The following ZNF568 variants were observed in gnomAD, a reference collection of about 807,000 sequenced individuals.
ZNF568 encodes p53 inhibitor of SCO2 activation.
ZNF568 carries 11 observed loss-of-function variants against 18.1 expected under a neutral mutation model. The observed-to-expected ratio is 0.61, with a 90% CI of 0.38 to 1.00. The LOEUF (loss-of-function observed/expected upper bound fraction) is 1.00. ZNF568 is among the 50% of genes least tolerant of loss of function. The pLI is 0.01. For missense variants in ZNF568, 639 were observed against 768.2 expected (o/e 0.83, Z 1.99); for synonymous variants, 213 against 246.6 (o/e 0.86, Z 1.28).
rs66941480 is a variant in ZNF568, at chr19:36,992,242, CAAAAAAAAAAAA to C, written c.229+405_229+416del. On this transcript the variant is annotated intron_variant, in intron 4 of 4. Transcript: ENST00000433993. ...TGGGCAACAGAGCAAGACTCCGTCT[CAAAAAAAAAAAA>C]AAAAAAAAGGAGGCCAAGGCAGGCG... Among the ~76,000 whole-genome samples, 5 of 118,216 alleles carry C rather than the reference CAAAAAAAAAAAA, an allele frequency of 4.2e-5. No individual in the cohort carries two copies. The East Asian group carries it at 1.4e-3, about 33-fold the overall frequency. The allele number at this position is 118,216 out of a possible 152,430, so 77.6% of individuals were successfully genotyped here. A position where few individuals can be genotyped will look rare whatever the true frequency, so the allele number is the denominator to read the frequency against.
At chr19:36,928,629 A>G (rs1204758440) in intron 4 of ZNF568, among the ~76,000 whole-genome samples, 1 of 152,194 alleles carries the variant, frequency 6.6e-6, no homozygotes, top group Non-Finnish European at 1.5e-5. Context: ...AAGTGATACA[A>G]TTATGTTTTT....
intron 4 of ZNF568, among the ~76,000 whole-genome samples, chr19:36,933,618 T>C (rs2073725643): frequency 6.6e-6 from 1 of 152,044 alleles, no homozygotes; most frequent in Non-Finnish European, 1.5e-5. Context: ...TTTTTATATG[T>C]TGTTGGATTA....
chr19:36,981,113 G>A (rs1484402462), downstream of ZNF568, among the ~76,000 whole-genome samples: 1 of 152,200 alleles, frequency 6.6e-6, no homozygotes, highest in Non-Finnish European at 1.5e-5. Flanking sequence ...ATGTACTTCA[G>A]TGGCAGTTCT....
intron 6 of ZNF568, among the ~76,000 whole-genome samples, chr19:36,964,540 T>C (rs1466620525): frequency 6.6e-6 from 1 of 152,180 alleles, no homozygotes; most frequent in Non-Finnish European, 1.5e-5. Flanking sequence ...GAGCCAGGCA[T>C]AGTGGCTCAT....
downstream of ZNF568, among the ~76,000 whole-genome samples, chr19:36,954,966 G>A (rs1367876899): frequency 6.6e-6 from 1 of 150,874 alleles, no homozygotes; most frequent in Non-Finnish European, 1.5e-5. Flanking sequence ...TGCAACCTGC[G>A]CCTCCTGGGT....
Position 36,947,537 on chromosome 19 carries a change from G to A in ZNF568, c.359-1975G>A, listed in dbSNP as rs148935248. Reference sequence around the variant, plus strand: ...TAGTTTTAACTGCCTCAGCCTTTACGGGATGGAAAAGCATGGTGGGAGACT... The same window carrying A: ...TAGTTTTAACTGCCTCAGCCTTTACAGGATGGAAAAGCATGGTGGGAGACT... On this transcript the variant is annotated intron_variant, in intron 6 of 6. Transcript: ENST00000333987. 3.0e-3 allele frequency among the ~76,000 whole-genome samples: 460 copies of A among 152,240 alleles called. 3 individuals carry two copies. Among genetic ancestry groups the A allele is most frequent in the Non-Finnish European group, 4.9e-3 (334 of 68,014 alleles).
intron 6 of ZNF568, among the ~76,000 whole-genome samples, chr19:36,967,910 G>A (rs1485448443): frequency 3.3e-5 from 5 of 152,146 alleles, no homozygotes; most frequent in African/African-American, 4.8e-5. Flanking sequence ...TTAGTGCTTG[G>A]AATAGAACAC....
chr19:36,970,219 A>G lies in ZNF568; in HGVS notation c.359-4201A>G, dbSNP rs745367065. 5.5e-5 allele frequency among the ~76,000 whole-genome samples: 7 copies of G among 126,200 alleles called. 2 individuals carry two copies. The highest frequency in any genetic ancestry group is 6.9e-5 in the Non-Finnish European group (4 of 57,870). The allele number at this position is 126,200 out of a possible 152,430, so 82.8% of individuals were successfully genotyped here. A position where few individuals can be genotyped will look rare whatever the true frequency, so the allele number is the denominator to read the frequency against. The stretch of plus-strand genomic sequence containing the variant: ...TAATTTATGAATTTCTTTTTTCCCA[A>G]TCCTTTGACATAACTATATAAATTT... On this transcript the variant is annotated intron_variant, in intron 6 of 7. Coordinates refer to the ZNF568 transcript ENST00000427117.
downstream of ZNF568, among the ~76,000 whole-genome samples, chr19:36,955,206 G>A (rs1458273475): frequency 2.1e-5 from 3 of 145,036 alleles, no homozygotes; most frequent in South Asian, 6.5e-4. Context: ...TTTTTTTTTT[G>A]TCTAAACAGT....
chr19:36,984,430 ATAT>A (rs1318670231), downstream of ZNF568, among the ~76,000 whole-genome samples: 1 of 152,202 alleles, frequency 6.6e-6, no homozygotes, highest in Admixed American at 6.5e-5. Flanking sequence ...AAACTAAAAA[ATAT>A]TATTATATTC....
intron 6 of ZNF568, among the ~76,000 whole-genome samples, chr19:36,943,005 A>C (rs959724680): frequency 6.6e-6 from 1 of 152,000 alleles, no homozygotes; most frequent in Non-Finnish European, 1.5e-5. Flanking sequence ...TAGTTTGCCA[A>C]CCCCTGCTCT....
chr19:36,925,402 G>A, intron 4 of ZNF568, 144 bp downstream of exon 4: 1 of 719,892 alleles, frequency 1.4e-6, no homozygotes, highest in Non-Finnish European at 2.3e-6. Flanking sequence ...AGAACCTGGG[G>A]AAATTTGAGA....
chr19:36,993,731 G>A (rs911823377), intron 4 of ZNF568, among the ~76,000 whole-genome samples: 1 of 152,014 alleles, frequency 6.6e-6, no homozygotes, highest in African/African-American at 2.4e-5. Context: ...ATTTCTATAA[G>A]GTCAGTGGTG....
intron 7 of ZNF568, among the ~76,000 whole-genome samples, chr19:36,975,228 A>G (rs1340070005): frequency 6.8e-6 from 1 of 146,130 alleles, no homozygotes; most frequent in Non-Finnish European, 1.5e-5. Flanking sequence ...GCTCACTGCA[A>G]CCTCCGCCTC....
Position 36,952,055 on chromosome 19 carries a change from T to TTTTTC in ZNF568, c.*967_*968insTTTTC, listed in dbSNP as rs1491387376. 1.5e-5 allele frequency: 14 copies of TTTTTC among 951,966 alleles called. No individual in the cohort carries two copies. The highest frequency in any genetic ancestry group is 1.3e-4 in the Admixed American group (2 of 15,004). The allele number at this position is 951,966 out of a possible 1,614,324, so 59.0% of individuals were successfully genotyped here. A position where few individuals can be genotyped will look rare whatever the true frequency, so the allele number is the denominator to read the frequency against. On this transcript the variant is annotated 3_prime_UTR_variant, in exon 7 of 7. Transcript: ENST00000333987. ...CCAAGGAGCTTTTTTTTTTTTTTTT[T>TTTTTC]CAAGACAAAAGGACTCTGTAATTCC...
rs546655317 is a variant in ZNF568, at chr19:36,939,055, A to G, written c.358+1813A>G. On this transcript the variant is annotated intron_variant, in intron 6 of 6. Coordinates refer to ENST00000333987, the MANE Select transcript of ZNF568 (RefSeq NM_198539.4). ...TCCAGAAAAATACTCTGAGTTGGTA[A>G]GAAGTCTCTATACCTCACACTGACC... 2.0e-5 allele frequency among the ~76,000 whole-genome samples: 3 copies of G among 152,338 alleles called. No homozygotes were observed. In the South Asian group the frequency reaches 6.2e-4, roughly 32 times the overall value.
chr19:36,937,543 C>T (rs826290), intron 6 of ZNF568, among the ~76,000 whole-genome samples: 55,078 of 152,052 alleles, frequency 0.36, 10,278 homozygotes, highest in African/African-American at 0.41. Flanking sequence ...CTATGATCCT[C>T]GGGCACTCTC....
At chr19:36,920,117 G>A (rs1225967747) in intron 2 of ZNF568, among the ~76,000 whole-genome samples, 1 of 152,110 alleles carries the variant, frequency 6.6e-6, no homozygotes, top group Non-Finnish European at 1.5e-5. Context: ...GGCCAGATGT[G>A]GAGGTGAAAG....
chr19:36,992,242 C>CA (rs66941480), intron 4 of ZNF568, among the ~76,000 whole-genome samples: 125 of 118,144 alleles, frequency 1.1e-3, no homozygotes, highest in East Asian at 4.2e-3. Flanking sequence ...GACTCCGTCT[C>CA]AAAAAAAAAA....
Sources: allele counts gnomAD v4.1 joint callset (sites outside exome capture counted in the v4.1 genomes callset), GRCh38; gene constraint gnomAD v4.1.1; transcripts MANE v1.5; gene names NCBI Gene and HGNC (gene_info 2026-07-23, HGNC 2026-07-21).